Variants in AHNAK observed in about 807,000 individuals in gnomAD.
AHNAK encodes the protein AHNAK nucleoprotein.
Under a neutral mutation model 37.8 loss-of-function variants are expected in AHNAK, and 23 were observed. The ratio of observed to expected loss-of-function variants is 0.61; its 90% CI spans 0.44 to 0.86. The LOEUF is 0.86. Ranked by LOEUF, AHNAK falls within the 40% of genes least tolerant of loss-of-function variation. The pLI is 0.00. For synonymous variants in AHNAK, 2,481 were observed against 2,636.3 expected, an observed-to-expected ratio of 0.94 and a Z score of 1.80; for missense variants, 7,411 against 7,319.4, an observed-to-expected ratio of 1.01 and a Z score of -0.46.
At position 62,531,362 on chromosome 11, in the gene AHNAK, C is replaced by A; in HGVS notation, c.3055G>T (p.Asp1019Tyr). The change falls in exon 5 of 5, where the codon GAT (aspartate) becomes TAT (tyrosine). Residue 1019 changes from aspartate to tyrosine, a missense_variant. Transcript: ENST00000378024. Reference protein sequence around the residue: ...PSLKGEGPEFDVNLSKANVDI... With the variant: ...PSLKGEGPEFYVNLSKANVDI... ...ACATTCGCTTTGGACAGGTTCACATCAAATTCTGGCCCCTCTCCTTTGAGG... is the reference window on the plus strand; with the variant it reads ...ACATTCGCTTTGGACAGGTTCACATAAAATTCTGGCCCCTCTCCTTTGAGG... The A allele has an allele frequency of 6.2e-7, 1 of 1,613,968 alleles. No homozygotes were observed. Among genetic ancestry groups the A allele is most frequent in the Non-Finnish European group, 8.5e-7 (1 of 1,180,004 alleles).
In AHNAK at chr11:62,526,583, C is replaced by T. The variant is rs2868812; in HGVS notation, c.7834G>A (p.Glu2612Lys). ...ACTTTGGGCCCCTTGATGTCAACTT[C>T]GGGGCCCTTGAGGTCACCTTCCACT... ...PKVEGDLKGP[E>K]VDIKGPKVDI... Residue 2612 changes from glutamate to lysine, a missense_variant, in exon 5 of 5, where the codon GAA becomes AAA. Coordinates refer to ENST00000378024, the MANE Select transcript of AHNAK (RefSeq NM_001620.3). 27 of 1,613,580 alleles carry T rather than the reference C, an allele frequency of 1.7e-5. No individual in the cohort carries two copies. Among genetic ancestry groups the T allele is most frequent in the African/African-American group, 9.4e-5 (7 of 74,706 alleles).
At chr11:62,498,796 CA>C (rs148753518) in intron 4 of AHNAK, among the ~76,000 whole-genome samples, 3,994 of 151,798 alleles carry the variant, frequency 0.026, 181 homozygotes, top group African/African-American at 0.091. Flanking sequence ...AAAATAAAAA[CA>C]AAAAACAAAA....
At chr11:62,508,299 T>A (rs1292831975) in intron 4 of AHNAK, among the ~76,000 whole-genome samples, 2 of 152,092 alleles carry the variant, frequency 1.3e-5, no homozygotes, top group Non-Finnish European at 2.9e-5. Context: ...CTTGGATCGA[T>A]TTTGGCCAAG....
rs766928455 is a variant in AHNAK, at chr11:62,533,163, A to G, written c.1254T>C (p.Pro418=). ...TCCCAGGCCCCTGAACATCAATGTC[A>G]GGGGCCTGAACTTCCACACTGGGGC... ...ITGPSVEVQA[P]DIDVQGPGSK... Residue 418 remains proline, a synonymous_variant, in exon 5 of 5, where the codon CCT becomes CCC. Transcript: ENST00000378024. 1 of 1,536,844 alleles carries G rather than the reference A, an allele frequency of 6.5e-7. No homozygotes were observed. Among genetic ancestry groups the G allele is most frequent in the Non-Finnish European group, 8.7e-7 (1 of 1,148,028 alleles).
intron 1 of AHNAK, among the ~76,000 whole-genome samples, chr11:62,538,840 T>C (rs902209441): frequency 2.6e-5 from 4 of 152,342 alleles, no homozygotes; most frequent in South Asian, 2.1e-4. Flanking sequence ...GAAATATACA[T>C]GGGGTCTTGA....
intron 2 of AHNAK, 45 bp from the exon 3 acceptor site, chr11:62,536,143 A>G: frequency 6.6e-7 from 1 of 1,514,098 alleles, no homozygotes; most frequent in Non-Finnish European, 8.9e-7. Flanking sequence ...TGGGGGTGGG[A>G]GGACATGAGG....
chr11:62,485,411 G>C (rs909975790), intron 5 of AHNAK, among the ~76,000 whole-genome samples: 3 of 151,712 alleles, frequency 2.0e-5, no homozygotes, highest in Non-Finnish European at 4.4e-5. Context: ...AAAACAAAAA[G>C]GATCAATCTT....
rs775388306 is a variant in AHNAK at position 62,531,087 on chromosome 11, A to G, written c.3330T>C (p.Ile1110=). The G allele has an allele frequency of 6.2e-7, 1 of 1,613,382 alleles. No individual in the cohort carries two copies. The highest frequency in any genetic ancestry group is 1.3e-5 in the African/African-American group (1 of 74,660). ...CTTGGCCTTCCACATCTGGTGCTTT[A>G]ATATCTACCTTGGGACCTCTGATGT... ...DVDIRGPKVD[I]KAPDVEGQGL... The change falls in exon 5 of 5, where the codon ATT becomes ATC. Residue 1110 remains isoleucine (I), a synonymous_variant. Coordinates refer to ENST00000378024, the MANE Select transcript of AHNAK (RefSeq NM_001620.3).
At chr11:62,491,900 C>G (rs751286415) in intron 4 of AHNAK, 25 of 1,399,678 alleles carry the variant, frequency 1.8e-5, no homozygotes, top group African/African-American at 2.8e-5. Context: ...TTTTCAAATG[C>G]CTACTATGGG....
At position 62,522,193 on chromosome 11, in the gene AHNAK, C is replaced by A; in HGVS notation, c.12224G>T (p.Gly4075Val). 1 of 1,613,590 alleles carries A rather than the reference C, an allele frequency of 6.2e-7. No homozygotes were observed. Among genetic ancestry groups the A allele is most frequent in the Non-Finnish European group, 8.5e-7 (1 of 1,179,940 alleles). Residue 4075 changes from glycine to valine, a missense_variant, in exon 5 of 5, where the codon GGA becomes GTA. Coordinates refer to ENST00000378024, the MANE Select transcript of AHNAK (RefSeq NM_001620.3). The part of the protein sequence containing the change: ...MPKFSMPGFK[G>V]EGPEVDVNLP... The stretch of plus-strand genomic sequence containing the variant: ...ATTAACATCCACTTCTGGGCCCTCT[C>A]CTTTAAATCCTGGCATGCTGAATTT...
chr11:62,496,311 A>G (rs569184223), intron 4 of AHNAK, among the ~76,000 whole-genome samples: 143 of 152,318 alleles, frequency 9.4e-4, no homozygotes, highest in Non-Finnish European at 1.8e-3. Context: ...AAAAGCCATT[A>G]TGAAATCTAG....
At chr11:62,536,908 T>C (rs1940967079) in intron 1 of AHNAK, among the ~76,000 whole-genome samples, 1 of 152,126 alleles carries the variant, frequency 6.6e-6, no homozygotes, top group African/African-American at 2.4e-5. Flanking sequence ...CCGCTTCACA[T>C]GCACACTCTT....
intron 5 of AHNAK, among the ~76,000 whole-genome samples, chr11:62,488,664 G>A (rs1324682920): frequency 2.7e-5 from 4 of 149,408 alleles, no homozygotes; most frequent in African/African-American, 7.5e-5. Context: ...CACCCACCTC[G>A]GCCTCCCAAA....
chr11:62,516,567 T>C lies in AHNAK; in HGVS notation c.*177A>G, dbSNP rs1336735770. The C allele has an allele frequency of 8.2e-6, 12 of 1,458,214 alleles. No homozygotes were observed. In the Admixed American group the frequency reaches 2.9e-4, roughly 35 times the overall value. The allele number at this position is 1,458,214 out of a possible 1,614,324, so 90.3% of individuals were successfully genotyped here. On this transcript the variant is annotated 3_prime_UTR_variant, in exon 5 of 5. Coordinates refer to ENST00000378024, the MANE Select transcript of AHNAK (RefSeq NM_001620.3). ...ACTTGGAACTCTTTACCTATCTGTA[T>C]AGTTCCAGGAGCCTACAGGCGGTCG...
At chr11:62,507,493 T>G (rs748939716) in intron 4 of AHNAK, among the ~76,000 whole-genome samples, 1 of 152,190 alleles carries the variant, frequency 6.6e-6, no homozygotes, top group East Asian at 1.9e-4. Context: ...CCCTGTTTTA[T>G]AGATTTAAAA....
intron 4 of AHNAK, 150 bp downstream of exon 4, chr11:62,534,853 G>C: frequency 1.3e-6 from 1 of 782,682 alleles, no homozygotes; most frequent in Non-Finnish European, 2.0e-6. Context: ...AAACAGGGTG[G>C]CCAAGGGCTC....
chr11:62,472,960 C>T (rs185938388), intron 5 of AHNAK, among the ~76,000 whole-genome samples: 3 of 151,288 alleles, frequency 2.0e-5, no homozygotes, highest in African/African-American at 7.3e-5. Context: ...GTGGTGCATG[C>T]CTGTAACCCA....
At chr11:62,467,388 A>C (rs1322032701) in intron 5 of AHNAK, among the ~76,000 whole-genome samples, 1 of 152,190 alleles carries the variant, frequency 6.6e-6, no homozygotes, top group Non-Finnish European at 1.5e-5. Flanking sequence ...CTAGCATTCC[A>C]AAAATCCCTC....
intron 5 of AHNAK, among the ~76,000 whole-genome samples, chr11:62,478,709 C>T (rs1348371588): frequency 5.7e-5 from 8 of 139,816 alleles, no homozygotes; most frequent in Non-Finnish European, 1.2e-4. Flanking sequence ...CGTGATCATA[C>T]CACTGCACTC....
Sources: gnomAD v4.1 joint callset for allele counts (sites outside exome capture counted in the v4.1 genomes callset) on GRCh38, gnomAD v4.1.1 for gene constraint, MANE v1.5 for transcripts, NCBI Gene and HGNC (gene_info 2026-07-23, HGNC 2026-07-21) for gene names.